Variants in PIWIL4 observed in about 807,000 individuals in gnomAD.
The protein encoded by PIWIL4 is piwi-like protein 4.
PIWIL4 carries 50 observed loss-of-function variants against 100.9 expected under a neutral mutation model. The observed-to-expected ratio is 0.50, with a 90% CI of 0.39 to 0.63. PIWIL4 has a LOEUF of 0.63. PIWIL4 is among the 20% of genes least tolerant of loss of function. The pLI is 0.00. For synonymous variants in PIWIL4, 342 were observed against 367.5 expected, an observed-to-expected ratio of 0.93 and a Z score of 0.79; for missense variants, 887 against 1,043.3, an observed-to-expected ratio of 0.85 and a Z score of 2.06.
intron 7 of PIWIL4, among the ~76,000 whole-genome samples, chr11:94,588,284 C>A (rs557127734): frequency 8.5e-5 from 13 of 152,282 alleles, no homozygotes; most frequent in Admixed American, 3.3e-4. Context: ...CTGCAAAGGA[C>A]ATGATCCTGT....
chr11:94,619,150 C>A (rs573368418), intron 17 of PIWIL4, among the ~76,000 whole-genome samples: 3 of 152,090 alleles, frequency 2.0e-5, no homozygotes, highest in Non-Finnish European at 4.4e-5. Context: ...AATGAAACTC[C>A]GCAGTGATCC....
chr11:94,620,379 C>T (rs1948892806), intron 19 of PIWIL4, among the ~76,000 whole-genome samples: 1 of 152,154 alleles, frequency 6.6e-6, no homozygotes, highest in African/African-American at 2.4e-5. Flanking sequence ...TTAATAGTTA[C>T]AGTTTCTAGA....
intron 13 of PIWIL4, among the ~76,000 whole-genome samples, chr11:94,605,619 T>C (rs1466315947): frequency 6.6e-6 from 1 of 152,220 alleles, no homozygotes; most frequent in Non-Finnish European, 1.5e-5. Context: ...TGTCTTAGCA[T>C]CTATTATAAT....
At chr11:94,598,055 T>G (rs1396317824) in intron 11 of PIWIL4, 140 bp downstream of exon 11, 16 of 627,760 alleles carry the variant, frequency 2.5e-5, no homozygotes, top group Non-Finnish European at 4.4e-5. Flanking sequence ...AGACTTCAGA[T>G]CCCCTGTGGT....
At chr11:94,604,667 A>G (rs928935438) in intron 13 of PIWIL4, among the ~76,000 whole-genome samples, 1 of 152,186 alleles carries the variant, frequency 6.6e-6, no homozygotes, top group Non-Finnish European at 1.5e-5. Context: ...AAATCTTTCA[A>G]CGATTCCTAT....
rs530939572 is a variant in PIWIL4, at chr11:94,586,904, C to T, written c.717-146C>T. On this transcript the variant is annotated intron_variant, in intron 6 of 19. Transcript: ENST00000299001. Reference sequence around the variant, plus strand: ...CTGCAGCTGAAAAAAAGTTTTCAGTCAACAACTGGAAGAAATCAGACTAAA... The same window carrying T: ...CTGCAGCTGAAAAAAAGTTTTCAGTTAACAACTGGAAGAAATCAGACTAAA... 6 of 802,550 alleles carry T rather than the reference C, an allele frequency of 7.5e-6. No homozygotes were observed. In the African/African-American group the frequency reaches 8.8e-5, roughly 12 times the overall value. 49.7% of individuals were successfully genotyped at this position (802,550 alleles called of 1,614,324 possible).
chr11:94,598,428 A>G (rs1389299109), intron 11 of PIWIL4, among the ~76,000 whole-genome samples: 1 of 152,208 alleles, frequency 6.6e-6, no homozygotes, highest in Non-Finnish European at 1.5e-5. Flanking sequence ...CCCCAGACAT[A>G]GTACTTGGGG....
Position 94,619,839 on chromosome 11 carries a change from C to T in PIWIL4, c.2248C>T (p.Pro750Ser), listed in dbSNP as rs764821150. ...CGAAATGAACCGCACTGTACAGAAC[C>T]CCCCACTTGGCACTGTTGTGGATTC... ...FTEMNRTVQN[P>S]PLGTVVDSEA... The change falls in exon 18 of 20, where the codon CCC becomes TCC. Residue 750 changes from proline (P) to serine (S), a missense_variant. Pro to Ser is a moderately conservative substitution (Grantham distance 74). Coordinates refer to ENST00000299001, the MANE Select transcript of PIWIL4 (RefSeq NM_152431.3). 6.2e-7 allele frequency: 1 copy of T among 1,614,170 alleles called. No homozygotes were observed. Among genetic ancestry groups the T allele is most frequent in the Non-Finnish European group, 8.5e-7 (1 of 1,180,022 alleles).
chr11:94,609,994 C>T (rs1039278574), intron 15 of PIWIL4, among the ~76,000 whole-genome samples: 1 of 152,068 alleles, frequency 6.6e-6, no homozygotes, highest in African/African-American at 2.4e-5. Flanking sequence ...ACATATTCAT[C>T]TTATAACTGA....
intron 4 of PIWIL4, among the ~76,000 whole-genome samples, chr11:94,578,598 T>G (rs1369957873): frequency 2.0e-5 from 3 of 152,208 alleles, no homozygotes; most frequent in African/African-American, 7.2e-5. Flanking sequence ...CCATAAACTT[T>G]TCATTATACA....
chr11:94,570,666 G>A (rs750777056), intron 2 of PIWIL4, among the ~76,000 whole-genome samples: 6 of 152,038 alleles, frequency 3.9e-5, no homozygotes, highest in Admixed American at 1.3e-4. Flanking sequence ...CAAGGTGGGC[G>A]GATCACCTGA....
At chr11:94,586,224 C>G (rs929351333) in intron 6 of PIWIL4, among the ~76,000 whole-genome samples, 10 of 152,006 alleles carry the variant, frequency 6.6e-5, no homozygotes, top group African/African-American at 2.4e-4. Context: ...GTCCTTGTCA[C>G]TAATCTGTCC....
intron 3 of PIWIL4, among the ~76,000 whole-genome samples, chr11:94,576,477 T>C (rs1948238985): frequency 1.3e-5 from 2 of 152,186 alleles, no homozygotes; most frequent in African/African-American, 4.8e-5. Context: ...GATGATTCTC[T>C]GTAAGGGGAA....
Position 94,593,528 on chromosome 11 carries a change from T to C in PIWIL4, c.1037T>C (p.Ile346Thr). 6.2e-7 allele frequency: 1 copy of C among 1,613,494 alleles called. No homozygotes were observed. Among genetic ancestry groups the C allele is most frequent in the Non-Finnish European group, 8.5e-7 (1 of 1,179,678 alleles). ...YVDYYKQQYD[I>T]TVSDLNQPML... ...TCTTGCATTTTATAGCAGTATGATA[T>C]TACTGTATCGGACCTGAATCAGCCC... Residue 346 changes from isoleucine to threonine, a missense_variant, in exon 9 of 20, where the codon ATT (isoleucine) becomes ACT (threonine). This residue lies in a region of PIWIL4 where 741 missense variants were observed against 930.0 expected (regional missense o/e 0.80). Transcript: ENST00000299001.
Position 94,608,751 on chromosome 11 carries a change from A to G in PIWIL4, c.1943+65A>G, listed in dbSNP as rs138555111. On this transcript the variant is annotated intron_variant, in intron 15 of 19. Coordinates refer to ENST00000299001, the MANE Select transcript of PIWIL4 (RefSeq NM_152431.3). ...AGACTATTAATTGTGGTTTCACTAA[A>G]GAATGTAACAGCAAGGAATATTTTG... is the stretch of plus-strand genomic sequence containing the variant. The G allele has an allele frequency of 1.1e-4, 150 of 1,319,434 alleles. No individual in the cohort carries two copies. In the African/African-American group the frequency reaches 1.8e-3, roughly 16 times the overall value. The allele number at this position is 1,319,434 out of a possible 1,614,324, so 81.7% of individuals were successfully genotyped here.
intron 15 of PIWIL4, among the ~76,000 whole-genome samples, chr11:94,612,130 TG>T (rs1948793636): frequency 6.6e-6 from 1 of 152,188 alleles, no homozygotes. Context: ...ATGATCTATC[TG>T]TTGTTAAAAG....
chr11:94,595,252 G>C lies in PIWIL4; in HGVS notation c.1151-57G>C. ...GTGGAAAGGTTTAAACTGGGCCTTTGATGGGCTGAGTTGCTTATGTTCATT... is the reference window on the plus strand; with the variant it reads ...GTGGAAAGGTTTAAACTGGGCCTTTCATGGGCTGAGTTGCTTATGTTCATT... On this transcript the variant is annotated intron_variant, in intron 9 of 19. Transcript: ENST00000299001. The C allele has an allele frequency of 1.4e-6, 2 of 1,463,834 alleles. 1 individual carries two copies. The highest frequency in any genetic ancestry group is 2.3e-5 in the South Asian group (2 of 85,316). The allele number at this position is 1,463,834 out of a possible 1,614,324, so 90.7% of individuals were successfully genotyped here.
intron 13 of PIWIL4, 66 bp downstream of exon 13, chr11:94,604,122 C>T: frequency 1.0e-6 from 1 of 957,028 alleles, no homozygotes; most frequent in Non-Finnish European, 1.5e-6. Flanking sequence ...TATCTACAGT[C>T]TGAACATACC....
intron 1 of PIWIL4, 151 bp downstream of exon 1, chr11:94,567,756 C>T (rs1332436568): frequency 7.1e-6 from 9 of 1,265,712 alleles, no homozygotes; most frequent in Non-Finnish European, 9.0e-6. Context: ...AAGGTTTCTT[C>T]TAACAGTTTT....
Sources: allele counts gnomAD v4.1 joint callset (sites outside exome capture counted in the v4.1 genomes callset), GRCh38; gene constraint gnomAD v4.1.1; regional missense constraint gnomAD v4.1.1; transcripts MANE v1.5; gene names NCBI Gene and HGNC (gene_info 2026-07-23, HGNC 2026-07-21).